SIN3B: variants seen among roughly 807,000 people sequenced by gnomAD.
The protein encoded by SIN3B is SIN3 transcription regulator family member B, also known as paired amphipathic helix protein Sin3b.
Under a neutral mutation model 120.2 loss-of-function variants are expected in SIN3B, and 19 were observed. The ratio of observed to expected loss-of-function variants is 0.16; its 90% confidence interval spans 0.11 to 0.23. The LOEUF is 0.23. Among genes scored for constraint, SIN3B ranks in the 10% least tolerant of loss-of-function variants. The pLI is 1.00. For missense variants in SIN3B, 1,073 were observed against 1,573.0 expected (o/e 0.68, Z 5.38); for synonymous variants, 654 against 653.2 (o/e 1.00, Z -0.02).
At chr19:16,841,686 T>G in intron 3 of SIN3B, 82 bp from the exon 4 acceptor site, 1 of 1,318,128 alleles carries the variant, frequency 7.6e-7, no homozygotes, top group African/African-American at 1.5e-5. Flanking sequence ...TCTGTTCCTG[T>G]GCAGACAGTG....
intron 3 of SIN3B, among the ~76,000 whole-genome samples, chr19:16,835,330 G>A (rs1320009400): frequency 6.6e-6 from 1 of 150,972 alleles, no homozygotes; most frequent in Non-Finnish European, 1.5e-5. Flanking sequence ...CCGGGTTCAA[G>A]TGATTCTCCT....
chr19:16,829,923 C>T (rs765129303), intron 2 of SIN3B, 26 bp downstream of exon 2: 1 of 1,536,744 alleles, frequency 6.5e-7, no homozygotes, highest in Non-Finnish European at 9.0e-7. Context: ...CTCTCCACCT[C>T]AGGGGACCCC....
chr19:16,829,950 G>A, intron 2 of SIN3B, 53 bp downstream of exon 2: 1 of 1,321,514 alleles, frequency 7.6e-7, no homozygotes, highest in Non-Finnish European at 1.1e-6. Context: ...CCGGAATCGG[G>A]CCTAGCGGGG....
At position 16,862,412 on chromosome 19, in the gene SIN3B, C is replaced by T. The variant is rs139223639; in HGVS notation, c.1119C>T (p.Phe373=). 3.1e-3 allele frequency: 5,071 copies of T among 1,614,128 alleles called. 13 individuals are homozygous for T. Among genetic ancestry groups the T allele is most frequent in the Non-Finnish European group, 3.9e-3 (4,644 of 1,180,034 alleles). The change falls in exon 9 of 19, where the codon TTC becomes TTT. Residue 373 remains phenylalanine (F), a synonymous_variant. Transcript: ENST00000248054. The surrounding 1 kb of genome is among the most constrained non-coding windows in gnomAD (Gnocchi z 4.7). ...TCCTGGGGGTAAAAGAGCTGTCCTT[C>T]GCGCCACCCATGAGCGACAGATCCG... is the stretch of plus-strand genomic sequence containing the variant. ...KSFLGVKELS[F]APPMSDRSGD... is the part of the protein sequence containing the mutation.
In SIN3B at chr19:16,878,185, A is replaced by T; in HGVS notation, c.2957A>T (p.Asn986Ile). 6.4e-7 allele frequency: 1 copy of T among 1,566,646 alleles called. No individual in the cohort carries two copies. Reference sequence around the variant, plus strand: ...ATTCCACCTCCTTTCGCCCCCAGGAACCTCAAGAAGTTCCGCCGCCGGTGG... The same window carrying T: ...ATTCCACCTCCTTTCGCCCCCAGGATCCTCAAGAAGTTCCGCCGCCGGTGG... ...FLLKPVFLQR[N>I]LKKFRRRWQS... The change falls in exon 18 of 19, where the codon AAC becomes ATC. Residue 986 changes from asparagine (N) to isoleucine (I), a missense_variant and splice_region_variant. Physicochemically the swap from Asn to Ile is moderately radical, Grantham distance 149. This residue lies in a region of SIN3B where 311 missense variants were observed against 400.3 expected (regional missense o/e 0.78). Transcript: ENST00000248054.
At chr19:16,853,529 T>C (rs1971571603) in intron 7 of SIN3B, among the ~76,000 whole-genome samples, 1 of 152,126 alleles carries the variant, frequency 6.6e-6, no homozygotes, top group Non-Finnish European at 1.5e-5. Context: ...AATTGCTGCA[T>C]GGATTGCATG....
At chr19:16,875,888 G>C (rs920973933) in intron 14 of SIN3B, 167 bp from the exon 15 acceptor site, 1 of 794,116 alleles carries the variant, frequency 1.3e-6, no homozygotes, top group Non-Finnish European at 2.0e-6. Context: ...GGTCTGGTCT[G>C]TTTGGTCTGG....
Position 16,869,888 on chromosome 19 carries a change from C to T in SIN3B, c.2235C>T (p.Ala745=). 2 of 1,614,234 alleles carry T rather than the reference C, an allele frequency of 1.2e-6. No homozygotes were observed. The highest frequency in any genetic ancestry group is 1.7e-6 in the Non-Finnish European group (2 of 1,180,036). The change falls in exon 13 of 19, where the codon GCC becomes GCT. Residue 745 remains alanine, a synonymous_variant. Transcript: ENST00000248054. ...ACGATGTCTACAGCCTATTTTTTGC[C>T]AACAACAACTGGTACTTCTTCCTGC... ...PLDDVYSLFF[A]NNNWYFFLRL...
chr19:16,860,330 C>T (rs1036172416), intron 8 of SIN3B, among the ~76,000 whole-genome samples: 2 of 152,204 alleles, frequency 1.3e-5, no homozygotes, highest in African/African-American at 4.8e-5. Context: ...CAGGGTGGAT[C>T]GGGTTGAGCA....
intron 7 of SIN3B, among the ~76,000 whole-genome samples, chr19:16,853,361 G>A (rs1971569374): frequency 6.6e-6 from 1 of 152,230 alleles, no homozygotes; most frequent in South Asian, 2.1e-4. Context: ...CTGTGGGCAG[G>A]AGTCCCAGTG....
chr19:16,832,645 C>G (rs532608069), intron 3 of SIN3B, among the ~76,000 whole-genome samples: 2 of 151,808 alleles, frequency 1.3e-5, no homozygotes, highest in South Asian at 4.2e-4. Flanking sequence ...GGACTACAGG[C>G]GTGCACCACC....
chr19:16,836,501 A>G (rs1479324953), intron 3 of SIN3B, among the ~76,000 whole-genome samples: 1 of 152,070 alleles, frequency 6.6e-6, no homozygotes, highest in African/African-American at 2.4e-5. Flanking sequence ...ACCCTGGGTT[A>G]TGTATTTCAA....
Position 16,876,792 on chromosome 19 carries a change from A to C in SIN3B, c.2859+214A>C. ...GTGCCCCCTCTCCAAAGAGCAGACCACTCCTCCTGAGCAAGCGGTTGTGTC... is the reference window on the plus strand; with the variant it reads ...GTGCCCCCTCTCCAAAGAGCAGACCCCTCCTCCTGAGCAAGCGGTTGTGTC... On this transcript the variant is annotated intron_variant, in intron 16 of 18. Transcript: ENST00000248054. This position sits in a 1 kb window ranked among gnomAD's most constrained non-coding sequence, Gnocchi z 7.1. 1.6e-5 allele frequency: 8 copies of C among 494,088 alleles called. No homozygotes were observed. The highest frequency in any genetic ancestry group is 3.4e-5 in the East Asian group (1 of 29,570). 30.6% of individuals were successfully genotyped at this position (494,088 alleles called of 1,614,324 possible). A position where few individuals can be genotyped will look rare whatever the true frequency, so the allele number is the denominator to read the frequency against.
intron 3 of SIN3B, 82 bp downstream of exon 3, chr19:16,831,729 G>C: frequency 8.0e-7 from 1 of 1,245,554 alleles, no homozygotes; most frequent in South Asian, 1.3e-5. Flanking sequence ...TGTCTCTCCT[G>C]TATCATTGCT....
At chr19:16,832,649 C>T (rs1971294850) in intron 3 of SIN3B, among the ~76,000 whole-genome samples, 1 of 151,900 alleles carries the variant, frequency 6.6e-6, no homozygotes, top group Non-Finnish European at 1.5e-5. Context: ...TACAGGCGTG[C>T]ACCACCACGG....
At chr19:16,860,757 A>G (rs1971677261) in intron 8 of SIN3B, among the ~76,000 whole-genome samples, 1 of 151,522 alleles carries the variant, frequency 6.6e-6, no homozygotes, top group Non-Finnish European at 1.5e-5. Flanking sequence ...GCCCGCCACC[A>G]CGCCCAGCTA....
intron 14 of SIN3B, among the ~76,000 whole-genome samples, chr19:16,874,184 GCCA>G (rs1283771584): frequency 6.6e-6 from 1 of 152,246 alleles, no homozygotes; most frequent in Admixed American, 6.5e-5. Context: ...CTGCACTCAG[GCCA>G]CCTTCAGCTC....
chr19:16,845,617 G>A (rs1971469224), intron 4 of SIN3B, among the ~76,000 whole-genome samples: 1 of 152,204 alleles, frequency 6.6e-6, no homozygotes, highest in Admixed American at 6.5e-5. Flanking sequence ...ACCCTCATCG[G>A]AAATCCTAGC....
rs1007475420 is a variant in SIN3B, at chr19:16,878,170, C to T, written c.2955-13C>T. 2 of 1,549,680 alleles carry T rather than the reference C, an allele frequency of 1.3e-6. No homozygotes were observed. Among genetic ancestry groups the T allele is most frequent in the Admixed American group, 3.8e-5 (2 of 52,870 alleles). Reference sequence around the variant, plus strand: ...CGAGAGCCAGAGTCCATTCCACCTCCTTTCGCCCCCAGGAACCTCAAGAAG... The same window carrying T: ...CGAGAGCCAGAGTCCATTCCACCTCTTTTCGCCCCCAGGAACCTCAAGAAG... On this transcript the variant is annotated splice_polypyrimidine_tract_variant and intron_variant, in intron 17 of 18. Coordinates refer to ENST00000248054, the MANE Select transcript of SIN3B (RefSeq NM_001297595.2).
Sources: allele counts gnomAD v4.1 joint callset (sites outside exome capture counted in the v4.1 genomes callset), GRCh38; gene constraint gnomAD v4.1.1; regional missense constraint gnomAD v4.1.1; non-coding constraint Gnocchi (gnomAD v3.1); transcripts MANE v1.5; gene names NCBI Gene and HGNC (gene_info 2026-07-23, HGNC 2026-07-21).